The following RGS6 variants were observed in gnomAD, a reference collection of about 807,000 sequenced individuals.
RGS6 encodes regulator of G-protein signaling 6.
Under a neutral mutation model 78.5 loss-of-function variants are expected in RGS6, and 30 were observed. The ratio of observed to expected loss-of-function variants is 0.38; its 90% CI spans 0.29 to 0.52. The LOEUF is 0.52. Ranked by LOEUF, RGS6 falls within the 20% of genes least tolerant of loss-of-function variation. RGS6 has a pLI of 0.85. For synonymous variants in RGS6, 206 were observed against 206.0 expected (o/e 1.00, Z 0.00); for missense variants, 495 against 609.7 (o/e 0.81, Z 1.98).
intron 2 of RGS6, among the ~76,000 whole-genome samples, chr14:72,214,387 C>T (rs1380898382): frequency 6.6e-6 from 1 of 151,916 alleles, no homozygotes; most frequent in Non-Finnish European, 1.5e-5. Flanking sequence ...CATACTGACA[C>T]TGTTTTAAAA....
At chr14:71,877,048 G>T in the RGS6 span, among the ~76,000 whole-genome samples, 2 of 152,244 alleles carry the variant, frequency 1.3e-5, no homozygotes, top group Non-Finnish European at 2.9e-5. Flanking sequence ...GAGGTCCGCT[G>T]TTAGTCTGAT....
intron 2 of RGS6, among the ~76,000 whole-genome samples, chr14:72,218,861 T>TCCACCC (rs2046218917): frequency 2.0e-5 from 3 of 152,012 alleles, no homozygotes; most frequent in Admixed American, 2.0e-4. Flanking sequence ...CCACCCACCT[T>TCCACCC]GGCCTTCCAA....
At chr14:72,372,313 G>C (rs887568288) in intron 3 of RGS6, among the ~76,000 whole-genome samples, 17 of 152,080 alleles carry the variant, frequency 1.1e-4, no homozygotes, top group Non-Finnish European at 2.2e-4. Context: ...TCTACCATCA[G>C]TTGCAGCCAC....
At chr14:72,313,862 C>T (rs1385969055) in intron 2 of RGS6, among the ~76,000 whole-genome samples, 2 of 152,124 alleles carry the variant, frequency 1.3e-5, no homozygotes, top group Non-Finnish European at 1.5e-5. Context: ...TATTTTGCTG[C>T]CATGTATCTA....
chr14:72,102,432 G>A (rs1205611208), intron 2 of RGS6, among the ~76,000 whole-genome samples: 1 of 152,146 alleles, frequency 6.6e-6, no homozygotes, highest in South Asian at 2.1e-4. Flanking sequence ...AAATCTCAAG[G>A]TTGACCAAGC....
chr14:72,388,347 A>G (rs1018359344), intron 3 of RGS6, among the ~76,000 whole-genome samples: 2 of 152,218 alleles, frequency 1.3e-5, no homozygotes, highest in Non-Finnish European at 2.9e-5. Flanking sequence ...TGCTGATGAG[A>G]TCAATGGACT....
intron 2 of RGS6, among the ~76,000 whole-genome samples, chr14:72,184,816 A>G (rs1567408646): frequency 1.3e-5 from 2 of 152,222 alleles, no homozygotes; most frequent in Non-Finnish European, 2.9e-5. Context: ...TGTTAAATGT[A>G]TTTATATGTA....
At chr14:72,356,232 G>T (rs1484448595) in intron 3 of RGS6, among the ~76,000 whole-genome samples, 1 of 152,094 alleles carries the variant, frequency 6.6e-6, no homozygotes, top group Non-Finnish European at 1.5e-5. Context: ...TAGCTCATGG[G>T]GAAGGTTCTC....
chr14:72,345,668 G>C (rs1460816068), intron 2 of RGS6, among the ~76,000 whole-genome samples: 1 of 152,142 alleles, frequency 6.6e-6, no homozygotes, highest in Non-Finnish European at 1.5e-5. Context: ...AGTTCCCTGA[G>C]TCACTCTGAA....
chr14:72,516,260 C>T (rs1014861451), intron 14 of RGS6, among the ~76,000 whole-genome samples: 8 of 152,210 alleles, frequency 5.3e-5, no homozygotes, highest in East Asian at 1.9e-4. Flanking sequence ...GCAAGCCTCC[C>T]GGCCACTTCC....
At chr14:72,233,614 G>T (rs2283408) in intron 2 of RGS6, among the ~76,000 whole-genome samples, 68,876 of 152,046 alleles carry the variant, frequency 0.45, 15,930 homozygotes, top group Middle Eastern at 0.62. Flanking sequence ...CCAATGCTTA[G>T]GACACCATTT....
At chr14:72,174,934 G>A (rs1185164440) in intron 2 of RGS6, among the ~76,000 whole-genome samples, 1 of 152,202 alleles carries the variant, frequency 6.6e-6, no homozygotes, top group Non-Finnish European at 1.5e-5. Context: ...ACATTCAGTT[G>A]CTGCACAGGA....
chr14:72,489,162 C>CG (rs1555431760), intron 12 of RGS6, among the ~76,000 whole-genome samples: 4 of 150,216 alleles, frequency 2.7e-5, no homozygotes, highest in South Asian at 2.2e-4. Context: ...GGGGGCCCCC[C>CG]CACCGGCTGT....
At chr14:72,164,990 G>C (rs1428866488) in intron 2 of RGS6, among the ~76,000 whole-genome samples, 1 of 152,172 alleles carries the variant, frequency 6.6e-6, no homozygotes, top group South Asian at 2.1e-4. Flanking sequence ...AACCAGTCAG[G>C]GTGGAGGTGA....
intron 2 of RGS6, among the ~76,000 whole-genome samples, chr14:72,070,687 C>T (rs1157229884): frequency 1.3e-5 from 2 of 152,194 alleles, no homozygotes; most frequent in Non-Finnish European, 2.9e-5. Context: ...GATGCAGGCA[C>T]TCAGCTTGTT....
intron 2 of RGS6, among the ~76,000 whole-genome samples, chr14:72,102,993 A>G (rs1441952586): frequency 6.6e-6 from 1 of 152,242 alleles, no homozygotes; most frequent in African/African-American, 2.4e-5. Context: ...CCCAAAGAGG[A>G]AACAAAGATT....
At chr14:72,212,235 T>C (rs1832113091) in intron 2 of RGS6, among the ~76,000 whole-genome samples, 1 of 152,292 alleles carries the variant, frequency 6.6e-6, no homozygotes. Context: ...TTCTAAGACA[T>C]GAAGCACTGG....
chr14:72,284,629 G>A (rs983375435), intron 2 of RGS6, among the ~76,000 whole-genome samples: 1 of 152,204 alleles, frequency 6.6e-6, no homozygotes, highest in Admixed American at 6.5e-5. Context: ...CCTTTGCTAG[G>A]GCAGTGCAGA....
intron 3 of RGS6, among the ~76,000 whole-genome samples, chr14:72,429,347 T>C (rs1297206554): frequency 1.3e-5 from 2 of 152,146 alleles, no homozygotes; most frequent in African/African-American, 4.8e-5. Context: ...GGTGAGTGGA[T>C]GTTGAGGGCC....
Sources: gnomAD v4.1 joint callset for allele counts (sites outside exome capture counted in the v4.1 genomes callset) on GRCh38, gnomAD v4.1.1 for gene constraint, MANE v1.5 for transcripts, NCBI Gene and HGNC (gene_info 2026-07-23, HGNC 2026-07-21) for gene names.